MGAT4C: variants seen among roughly 807,000 people sequenced by gnomAD.
MGAT4C encodes MGAT4 family member C.
A neutral mutation model predicts 40.1 loss-of-function variants in MGAT4C; 19 were observed. The ratio of observed to expected loss-of-function variants is 0.47; its 90% CI spans 0.33 to 0.70. MGAT4C has a LOEUF of 0.70. Ranked by LOEUF, MGAT4C falls within the 30% of genes least tolerant of loss-of-function variation. The pLI is 0.02. For synonymous variants in MGAT4C, 181 were observed against 187.1 expected (o/e 0.97, Z 0.27); for missense variants, 491 against 563.2 (o/e 0.87, Z 1.30).
intron 2 of MGAT4C, among the ~76,000 whole-genome samples, chr12:86,646,346 T>C (rs1232161563): frequency 2.6e-5 from 4 of 151,906 alleles, no homozygotes; most frequent in Non-Finnish European, 5.9e-5. Flanking sequence ...TAAATATTCA[T>C]TGAACATATA....
intron 2 of MGAT4C, among the ~76,000 whole-genome samples, chr12:86,442,816 T>C (rs1957257236): frequency 6.6e-6 from 1 of 151,296 alleles, no homozygotes; most frequent in Non-Finnish European, 1.5e-5. Context: ...AACTTAATTG[T>C]TGTTTTATTT....
intron 2 of MGAT4C, among the ~76,000 whole-genome samples, chr12:85,997,484 A>T (rs1886755622): frequency 1.3e-5 from 2 of 152,228 alleles, no homozygotes; most frequent in South Asian, 4.1e-4. Context: ...CTCATCCGAG[A>T]CAAGGCAAGT....
chr12:86,046,974 T>C (rs149451743), intron 2 of MGAT4C, among the ~76,000 whole-genome samples: 18 of 152,334 alleles, frequency 1.2e-4, no homozygotes, highest in East Asian at 1.9e-4. Flanking sequence ...AAATATACTA[T>C]CTCTGTTACA....
intron 3 of MGAT4C, among the ~76,000 whole-genome samples, chr12:86,363,224 G>A (rs1955521362): frequency 6.6e-6 from 1 of 151,966 alleles, no homozygotes; most frequent in African/African-American, 2.4e-5. Context: ...ATTTTAAAAT[G>A]TATGTAGAAC....
chr12:86,328,127 T>G (rs1423967368), intron 4 of MGAT4C, among the ~76,000 whole-genome samples: 1 of 152,186 alleles, frequency 6.6e-6, no homozygotes, highest in Non-Finnish European at 1.5e-5. Flanking sequence ...GCTTTATAAA[T>G]GTTTAATGTA....
chr12:86,148,292 G>C (rs1432960585), intron 1 of MGAT4C, among the ~76,000 whole-genome samples: 1 of 152,126 alleles, frequency 6.6e-6, no homozygotes, highest in African/African-American at 2.4e-5. Context: ...CCATGATGCA[G>C]GTTTACCTGT....
intron 1 of MGAT4C, among the ~76,000 whole-genome samples, chr12:86,169,424 T>G (rs1886552191): frequency 6.6e-6 from 1 of 152,168 alleles, no homozygotes; most frequent in East Asian, 1.9e-4. Flanking sequence ...TCACTAGAAA[T>G]AATCATTTAT....
At chr12:86,212,913 A>AAAAAAAAAAAAAC (rs1950536699) in intron 1 of MGAT4C, among the ~76,000 whole-genome samples, 2 of 147,386 alleles carry the variant, frequency 1.4e-5, no homozygotes, top group Non-Finnish European at 3.0e-5. Context: ...AAAAAAAAAA[A>AAAAAAAAAAAAAC]AAAAAAAAGA....
In MGAT4C at chr12:86,616,246, T is replaced by C. The variant is rs868861475; in HGVS notation, c.-229+110963A>G. Among the ~76,000 whole-genome samples, 5 of 152,226 alleles carry C rather than the reference T, an allele frequency of 3.3e-5. 1 individual carries two copies. In the Middle Eastern group the frequency reaches 0.017, roughly 518 times the overall value. On this transcript the variant is annotated intron_variant, in intron 2 of 7. Coordinates refer to the MGAT4C transcript ENST00000548651. ...ACATGTAGTTATAAAACCCCTGCTG[T>C]ACTTGCAACAATGGCTTCTTTCCCT...
At chr12:86,142,726 T>G (rs1180011857) in intron 1 of MGAT4C, among the ~76,000 whole-genome samples, 4 of 151,984 alleles carry the variant, frequency 2.6e-5, no homozygotes, top group African/African-American at 7.2e-5. Context: ...TTTTTTGTTT[T>G]TTTTGTGGAG....
At chr12:86,470,819 AT>A (rs1957747580) in intron 2 of MGAT4C, among the ~76,000 whole-genome samples, 1 of 152,086 alleles carries the variant, frequency 6.6e-6, no homozygotes, top group African/African-American at 2.4e-5. Flanking sequence ...AATAACATAA[AT>A]ATGTTATTTT....
intron 1 of MGAT4C, among the ~76,000 whole-genome samples, chr12:86,739,537 A>G (rs1951034716): frequency 6.6e-6 from 1 of 151,002 alleles, no homozygotes; most frequent in Admixed American, 6.6e-5. Context: ...GGGGGAAAAA[A>G]AAAGGATGGT....
intron 4 of MGAT4C, among the ~76,000 whole-genome samples, chr12:86,273,404 A>G (rs1219627443): frequency 6.6e-6 from 1 of 152,210 alleles, no homozygotes; most frequent in Non-Finnish European, 1.5e-5. Context: ...TGTTAAATAT[A>G]TTTAGAGGAG....
intron 4 of MGAT4C, among the ~76,000 whole-genome samples, chr12:86,285,174 C>A (rs1953320708): frequency 6.6e-6 from 1 of 151,940 alleles, no homozygotes; most frequent in Admixed American, 6.6e-5. Context: ...CTTCCAGTCA[C>A]AAATATTCGG....
In MGAT4C at chr12:86,213,539, T is replaced by C. The variant is rs190889802; in HGVS notation, c.-57+42700A>G. 1.5e-3 allele frequency among the ~76,000 whole-genome samples: 232 copies of C among 152,260 alleles called. 1 individual carries two copies. Among genetic ancestry groups the C allele is most frequent in the African/African-American group, 5.4e-3 (225 of 41,542 alleles). On this transcript the variant is annotated intron_variant, in intron 1 of 4. Coordinates refer to ENST00000611864, the MANE Select transcript of MGAT4C (RefSeq NM_001351288.2). ...TATTCACTAATATATGTAATAGCTATTTTTTTATTCTCCACATTTAAAAAT... is the reference window on the plus strand; with the variant it reads ...TATTCACTAATATATGTAATAGCTACTTTTTTATTCTCCACATTTAAAAAT...
chr12:86,508,627 T>A (rs1482189486), intron 2 of MGAT4C, among the ~76,000 whole-genome samples: 5 of 151,860 alleles, frequency 3.3e-5, no homozygotes, highest in Admixed American at 3.3e-4. Flanking sequence ...CCCTGAGGAA[T>A]CGCCACACCG....
At chr12:86,299,303 G>A (rs1343510570) in intron 4 of MGAT4C, among the ~76,000 whole-genome samples, 1 of 152,074 alleles carries the variant, frequency 6.6e-6, no homozygotes, top group African/African-American at 2.4e-5. Flanking sequence ...ATTTTTAGTA[G>A]AGACGGGGTT....
chr12:86,437,565 C>T (rs1032933562), intron 2 of MGAT4C, among the ~76,000 whole-genome samples: 1 of 151,860 alleles, frequency 6.6e-6, no homozygotes, highest in Non-Finnish European at 1.5e-5. Flanking sequence ...TACAAGAACA[C>T]ATTGTTTTAT....
At chr12:86,813,481 C>T (rs1382489277) in intron 1 of MGAT4C, among the ~76,000 whole-genome samples, 1 of 143,384 alleles carries the variant, frequency 7.0e-6, no homozygotes, top group Non-Finnish European at 1.5e-5. Context: ...ATAACATATG[C>T]TTTTCAAACA....
Sources: allele counts gnomAD v4.1 joint callset (sites outside exome capture counted in the v4.1 genomes callset), GRCh38; gene constraint gnomAD v4.1.1; transcripts MANE v1.5; gene names NCBI Gene and HGNC (gene_info 2026-07-23, HGNC 2026-07-21).